Variants in ZNF532 observed in about 807,000 individuals in gnomAD.
ZNF532 encodes zinc finger protein 532.
A neutral mutation model predicts 89.3 loss-of-function variants in ZNF532; 22 were observed. The ratio of observed to expected loss-of-function variants is 0.25; its 90% confidence interval spans 0.18 to 0.35. The LOEUF (loss-of-function observed/expected upper bound fraction) is 0.35, where lower values mean the gene tolerates loss of function less well. ZNF532 is among the 10% of genes least tolerant of loss of function. The pLI is 1.00. For missense variants in ZNF532, 1,132 were observed against 1,643.4 expected (o/e 0.69, Z 5.38); for synonymous variants, 606 against 649.6 (o/e 0.93, Z 1.02).
chr18:58,981,628 G>T lies in ZNF532; in HGVS notation c.3411+11G>T. ...AAAGAAGACACTAAGGTCTAACATT[G>T]CAGATGTTTGCTTTACAGTGAAATT... is the stretch of plus-strand genomic sequence containing the variant. On this transcript the variant is annotated intron_variant, in intron 9 of 9. Transcript: ENST00000591808. 1.2e-6 allele frequency: 2 copies of T among 1,613,592 alleles called. No homozygotes were observed. Among genetic ancestry groups the T allele is most frequent in the Non-Finnish European group, 1.7e-6 (2 of 1,179,688 alleles).
chr18:58,883,339 A>T (rs185998214), intron 2 of ZNF532, among the ~76,000 whole-genome samples: 20 of 152,324 alleles, frequency 1.3e-4, no homozygotes, highest in Admixed American at 4.6e-4. Flanking sequence ...TCAGAATTCC[A>T]AAAGTGTTTT....
chr18:58,962,212 C>G (rs1014326802), intron 7 of ZNF532, among the ~76,000 whole-genome samples: 25 of 149,936 alleles, frequency 1.7e-4, no homozygotes, highest in Admixed American at 1.7e-3. Flanking sequence ...GATGACAGAG[C>G]GAGACTCTGT....
At chr18:58,981,686 C>T (rs982904511) in intron 9 of ZNF532, 69 bp downstream of exon 9, 1 of 1,584,232 alleles carries the variant, frequency 6.3e-7, no homozygotes, top group African/African-American at 1.4e-5. Flanking sequence ...CATTTTTTTC[C>T]TTTCAAGTTT....
intron 5 of ZNF532, among the ~76,000 whole-genome samples, chr18:58,941,950 TCCTC>T (rs1311824724): frequency 2.2e-5 from 3 of 135,196 alleles, no homozygotes; most frequent in Non-Finnish European, 3.3e-5. Context: ...TTCTTTCCTT[TCCTC>T]CCTCCCTCTC....
chr18:58,960,681 A>G (rs1270541595), intron 7 of ZNF532, among the ~76,000 whole-genome samples: 3 of 152,194 alleles, frequency 2.0e-5, no homozygotes, highest in Non-Finnish European at 4.4e-5. Context: ...AACTGTTGAC[A>G]GATTCTGTCT....
At chr18:58,937,906 A>G (rs901074114) in intron 4 of ZNF532, among the ~76,000 whole-genome samples, 1 of 152,250 alleles carries the variant, frequency 6.6e-6, no homozygotes, top group Non-Finnish European at 1.5e-5. Flanking sequence ...TCAAGTAGAT[A>G]GGCTAGAGAG....
chr18:58,900,595 C>T (rs780242010), intron 2 of ZNF532, among the ~76,000 whole-genome samples: 6 of 152,190 alleles, frequency 3.9e-5, no homozygotes, highest in African/African-American at 7.2e-5. Flanking sequence ...GACCTTAGGA[C>T]GGAGCTTCAT....
upstream of ZNF532, chr18:58,863,526 C>CGGGA (rs1328167283): frequency 1.7e-5 from 2 of 118,846 alleles, no homozygotes; most frequent in Non-Finnish European, 1.8e-5. Flanking sequence ...CGCCGCCGCC[C>CGGGA]GGCCCGGCGG....
chr18:58,963,920 T>G (rs977821583), intron 7 of ZNF532, among the ~76,000 whole-genome samples: 2 of 152,114 alleles, frequency 1.3e-5, no homozygotes, highest in Non-Finnish European at 2.9e-5. Flanking sequence ...TTGCCCCCCT[T>G]AATCTCCCTG....
At chr18:58,950,230 G>T (rs887753576) in intron 6 of ZNF532, among the ~76,000 whole-genome samples, 2 of 152,168 alleles carry the variant, frequency 1.3e-5, no homozygotes, top group African/African-American at 4.8e-5. Context: ...GGTCTTCCTT[G>T]TGTTAATAGT....
intron 2 of ZNF532, among the ~76,000 whole-genome samples, chr18:58,897,495 C>T (rs2059325723): frequency 6.6e-6 from 1 of 152,202 alleles, no homozygotes; most frequent in South Asian, 2.1e-4. Context: ...CTGTATTTCA[C>T]TGTAAACAGT....
At chr18:58,978,444 T>C (rs187990840) in intron 7 of ZNF532, among the ~76,000 whole-genome samples, 127 of 152,354 alleles carry the variant, frequency 8.3e-4, no homozygotes, top group Non-Finnish European at 1.0e-4. Context: ...ATGTATGGTT[T>C]CATATATTAT....
chr18:58,977,827 A>G (rs2147619055), intron 7 of ZNF532, among the ~76,000 whole-genome samples: 1 of 152,286 alleles, frequency 6.6e-6, no homozygotes, highest in Middle Eastern at 3.4e-3. Context: ...CAGCCTAGGC[A>G]ACAGAATGAG....
At chr18:58,939,272 A>AAAAAAAAAAAAAAAAAC in intron 4 of ZNF532, among the ~76,000 whole-genome samples, 173 bp from the exon 5 acceptor site, 2 of 149,186 alleles carry the variant, frequency 1.3e-5, no homozygotes, top group Non-Finnish European at 3.0e-5. Flanking sequence ...AAAAAAAAAA[A>AAAAAAAAAAAAAAAAAC]AAACCCATAA....
At chr18:58,897,922 A>T (rs1338189371) in intron 2 of ZNF532, among the ~76,000 whole-genome samples, 1 of 152,244 alleles carries the variant, frequency 6.6e-6, no homozygotes, top group Non-Finnish European at 1.5e-5. Context: ...ACTGCACTCC[A>T]CCCTGGGTGA....
At chr18:58,879,917 C>T (rs544596773) in intron 2 of ZNF532, among the ~76,000 whole-genome samples, 1 of 152,188 alleles carries the variant, frequency 6.6e-6, no homozygotes, top group East Asian at 1.9e-4. Flanking sequence ...AAGGAACTTA[C>T]CTGTAAGTAA....
intron 2 of ZNF532, among the ~76,000 whole-genome samples, chr18:58,900,342 C>G (rs555419570): frequency 6.6e-6 from 1 of 152,212 alleles, no homozygotes; most frequent in Non-Finnish European, 1.5e-5. Context: ...AAATGGAGGT[C>G]AGGCTCTCTG....
intron 2 of ZNF532, among the ~76,000 whole-genome samples, chr18:58,902,992 C>T (rs1468070152): frequency 1.3e-5 from 2 of 152,148 alleles, no homozygotes; most frequent in Non-Finnish European, 2.9e-5. Flanking sequence ...ACTTTCTCTT[C>T]TCAAGAATAT....
intron 2 of ZNF532, among the ~76,000 whole-genome samples, chr18:58,880,619 CTTG>C (rs1568226723): frequency 6.6e-6 from 1 of 152,266 alleles, no homozygotes; most frequent in East Asian, 1.9e-4. Context: ...ATAGCAAATG[CTTG>C]TTGTCTGAAT....
Sources: gnomAD v4.1 joint callset for allele counts (sites outside exome capture counted in the v4.1 genomes callset) on GRCh38, gnomAD v4.1.1 for gene constraint, MANE v1.5 for transcripts, NCBI Gene and HGNC (gene_info 2026-07-23, HGNC 2026-07-21) for gene names.